The following SYN2 variants were observed in gnomAD, a reference collection of about 807,000 sequenced individuals.
SYN2 encodes the protein synapsin II.
A neutral mutation model predicts 50.9 loss-of-function variants in SYN2; 19 were observed. That is an observed-to-expected ratio of 0.37 (90% CI 0.26 to 0.55). SYN2 has a LOEUF of 0.55. Ranked by LOEUF, SYN2 falls within the 20% of genes least tolerant of loss-of-function variation. The pLI is 0.81. For missense variants in SYN2, 587 were observed against 576.4 expected (o/e 1.02, Z -0.19); for synonymous variants, 255 against 224.9 (o/e 1.13, Z -1.20).
intron 1 of SYN2, among the ~76,000 whole-genome samples, chr3:12,033,301 A>G (rs953070735): frequency 3.3e-5 from 5 of 152,192 alleles, no homozygotes; most frequent in Non-Finnish European, 7.4e-5. Flanking sequence ...ATGGAAATGC[A>G]GAAATCACCC....
At chr3:12,028,682 A>C (rs1162654133) in intron 1 of SYN2, among the ~76,000 whole-genome samples, 3 of 145,006 alleles carry the variant, frequency 2.1e-5, no homozygotes, top group Non-Finnish European at 3.0e-5. Flanking sequence ...TTCTTTTGAG[A>C]AGTGTCTGTT....
intron 1 of SYN2, among the ~76,000 whole-genome samples, chr3:12,028,280 G>T (rs894749197): frequency 6.6e-6 from 1 of 151,814 alleles, no homozygotes; most frequent in Non-Finnish European, 1.5e-5. Flanking sequence ...TATCATCGTT[G>T]GACATTTCGG....
intron 1 of SYN2, among the ~76,000 whole-genome samples, chr3:12,098,896 C>T (rs1485218647): frequency 7.9e-6 from 1 of 126,230 alleles, no homozygotes; most frequent in Non-Finnish European, 1.6e-5. Flanking sequence ...AAATAGTAAC[C>T]AAAAGAGAGT....
chr3:12,191,512 A>G lies in SYN2; in HGVS notation c.*887A>G, dbSNP rs1253418185. On this transcript the variant is annotated 3_prime_UTR_variant, in exon 13 of 13. Transcript: ENST00000621198. ...TGTGCTTGAGTGTAGGGAGTGAAAA[A>G]TCTAGGTGTGTGAAGCTGTTTGTGT... 1 of 151,912 alleles carries G rather than the reference A, an allele frequency of 6.6e-6. No homozygotes were observed. The allele number at this position is 151,912 out of a possible 1,614,324, so 9.4% of individuals were successfully genotyped here.
intron 1 of SYN2, among the ~76,000 whole-genome samples, chr3:12,132,147 C>T (rs1388625182): frequency 1.3e-5 from 2 of 151,344 alleles, no homozygotes; most frequent in Admixed American, 6.6e-5. Context: ...GTTTGGACTG[C>T]AGGCACATGC....
intron 1 of SYN2, among the ~76,000 whole-genome samples, chr3:12,042,988 A>G (rs1694652617): frequency 6.6e-6 from 1 of 151,668 alleles, no homozygotes; most frequent in Admixed American, 6.6e-5. Context: ...CCGTGAGAAT[A>G]AATCCCCCCA....
chr3:12,042,959 A>G (rs1694650600), intron 1 of SYN2, among the ~76,000 whole-genome samples: 1 of 151,952 alleles, frequency 6.6e-6, no homozygotes, highest in South Asian at 2.1e-4. Flanking sequence ...CCTTGATTTT[A>G]GACTTCTGGC....
chr3:12,186,232 G>A (rs1334571013), intron 11 of SYN2, among the ~76,000 whole-genome samples: 1 of 152,188 alleles, frequency 6.6e-6, no homozygotes, highest in African/African-American at 2.4e-5. Flanking sequence ...GTGGGATTGA[G>A]GCTGAGAGAC....
Position 12,190,513 on chromosome 3 carries a change from C to G in SYN2, c.1637C>G (p.Ala546Gly), listed in dbSNP as rs768942455. 51 of 1,613,718 alleles carry G rather than the reference C, an allele frequency of 3.2e-5. No individual in the cohort carries two copies. Among genetic ancestry groups the G allele is most frequent in the Non-Finnish European group, 4.1e-5 (48 of 1,179,838 alleles). Reference protein sequence around the residue: ...QLNKSQSLTNAFSFSESSFFR... With the variant: ...QLNKSQSLTNGFSFSESSFFR... ...AGCAAGTCGCAGTCCCTGACAAATG[C>G]CTTCAGCTTCTCTGAGTCCTCCTTC... The change falls in exon 13 of 13, where the codon GCC becomes GGC. Residue 546 changes from alanine (A) to glycine (G), a missense_variant. By Grantham distance (60) the Ala-to-Gly change is moderately conservative. Transcript: ENST00000621198.
intron 1 of SYN2, among the ~76,000 whole-genome samples, chr3:12,067,360 C>T (rs1476775972): frequency 2.0e-5 from 3 of 151,918 alleles, no homozygotes; most frequent in Non-Finnish European, 4.4e-5. Flanking sequence ...CTTTCCTTTC[C>T]TTGTAAAATT....
At chr3:12,106,266 T>C (rs1046127181) in intron 1 of SYN2, among the ~76,000 whole-genome samples, 3 of 152,200 alleles carry the variant, frequency 2.0e-5, no homozygotes, top group Non-Finnish European at 4.4e-5. Flanking sequence ...GATCTCTTCC[T>C]CTTCCGTCTC....
chr3:12,145,694 C>A lies in SYN2; in HGVS notation c.543C>A (p.Asp181Glu), dbSNP rs745331229. The A allele has an allele frequency of 2.5e-6, 4 of 1,614,018 alleles. No individual in the cohort carries two copies. In the South Asian group the frequency reaches 4.4e-5, roughly 18 times the overall value. Residue 181 changes from aspartate (D) to glutamate (E), a missense_variant, in exon 4 of 13, where the codon GAC becomes GAA. Asp to Glu is a conservative substitution (Grantham distance 45). Coordinates refer to ENST00000621198, the MANE Select transcript of SYN2 (RefSeq NM_133625.6). ...TTCTCACCAGGTCCTTCCGGCCAGA[C>A]TTCGTGCTCATCCGGCAGCATGCAT... ...GTKVVRSFRP[D>E]FVLIRQHAFG... is the part of the protein sequence containing the mutation.
At chr3:12,025,434 A>C (rs1415028781) in intron 1 of SYN2, among the ~76,000 whole-genome samples, 1 of 152,228 alleles carries the variant, frequency 6.6e-6, no homozygotes, top group East Asian at 1.9e-4. Context: ...TGTATGAGAT[A>C]CTGCCTAAGT....
intron 10 of SYN2, among the ~76,000 whole-genome samples, chr3:12,177,150 CT>C (rs1205280595): frequency 6.6e-6 from 1 of 152,112 alleles, no homozygotes; most frequent in Non-Finnish European, 1.5e-5. Flanking sequence ...TCTACCAGTC[CT>C]TTTTTGTACT....
chr3:12,078,147 C>A (rs1367901331), intron 1 of SYN2, among the ~76,000 whole-genome samples: 1 of 151,874 alleles, frequency 6.6e-6, no homozygotes. Flanking sequence ...TATCTTTTGC[C>A]CACTTTTTAA....
chr3:12,017,051 G>C (rs1401549763), intron 1 of SYN2, among the ~76,000 whole-genome samples: 1 of 152,134 alleles, frequency 6.6e-6, no homozygotes, highest in African/African-American at 2.4e-5. Flanking sequence ...TCACAGATCT[G>C]AGCTGGGTTT....
At chr3:12,059,893 C>A (rs150438355) in intron 1 of SYN2, among the ~76,000 whole-genome samples, 2 of 152,094 alleles carry the variant, frequency 1.3e-5, no homozygotes, top group Non-Finnish European at 2.9e-5. Flanking sequence ...ATGAAAGCAG[C>A]GGGTATCAGC....
rs181435543 is a variant in SYN2, at chr3:12,102,428, T to A, written c.378-38223T>A. Among the ~76,000 whole-genome samples the A allele has an allele frequency of 9.8e-4, 150 of 152,290 alleles. 1 individual carries two copies. Among genetic ancestry groups the A allele is most frequent in the Admixed American group, 9.7e-3 (149 of 15,290 alleles). ...ATAACAGAATAACTGAATGAATATG[T>A]GGGTAAATGGTGACAATGTGTCATG... On this transcript the variant is annotated intron_variant, in intron 1 of 12. Transcript: ENST00000621198.
intron 1 of SYN2, among the ~76,000 whole-genome samples, chr3:12,037,106 A>G (rs1177477377): frequency 6.6e-6 from 1 of 152,204 alleles, no homozygotes; most frequent in Non-Finnish European, 1.5e-5. Context: ...CTGAGACCTC[A>G]TCATCAGAAT....
Sources: gnomAD v4.1 joint callset for allele counts (sites outside exome capture counted in the v4.1 genomes callset) on GRCh38, gnomAD v4.1.1 for gene constraint, MANE v1.5 for transcripts, NCBI Gene and HGNC (gene_info 2026-07-23, HGNC 2026-07-21) for gene names.